The following EDDM3A variants were observed in gnomAD, a reference collection of about 807,000 sequenced individuals.
EDDM3A encodes epididymal protein 3A.
For synonymous variants in EDDM3A, 75 were observed against 60.4 expected (o/e 1.24, Z -1.12); for missense variants, 199 against 177.4 (o/e 1.12, Z -0.69).
At chr14:20,741,701 G>A (rs1877438541), upstream of EDDM3A, among the ~76,000 whole-genome samples, 1 of 152,182 alleles carries the variant, frequency 6.6e-6, no homozygotes, top group South Asian at 2.1e-4. Context: ...ATATCTCAGG[G>A]ATCTGGGGCT....
the EDDM3A span, among the ~76,000 whole-genome samples, chr14:20,736,107 C>CTT: frequency 2.8e-5 from 4 of 144,768 alleles, no homozygotes; most frequent in African/African-American, 2.6e-5. Context: ...CCCATCATCA[C>CTT]TTTTTTTTTT....
chr14:20,738,239 C>T, the EDDM3A span, among the ~76,000 whole-genome samples: 28 of 152,094 alleles, frequency 1.8e-4, no homozygotes, highest in Middle Eastern at 3.4e-3. Context: ...TTTGGGAGGC[C>T]GAAGCAGGCG....
chr14:20,740,169 C>T, the EDDM3A span, among the ~76,000 whole-genome samples: 1 of 152,210 alleles, frequency 6.6e-6, no homozygotes, highest in Non-Finnish European at 1.5e-5. Context: ...GTCTGACTGT[C>T]ATAAAAATAT....
the EDDM3A span, among the ~76,000 whole-genome samples, chr14:20,740,680 C>T: frequency 0.046 from 7,036 of 152,072 alleles, 557 homozygotes; most frequent in African/African-American, 0.16. Context: ...TGCTTGTTTG[C>T]TTGTTTTTAA....
chr14:20,743,134 C>T (rs1233893480), upstream of EDDM3A, among the ~76,000 whole-genome samples: 1 of 152,174 alleles, frequency 6.6e-6, no homozygotes, highest in Non-Finnish European at 1.5e-5. Context: ...CCTTGGAAGT[C>T]CGTGGATCAC....
upstream of EDDM3A, among the ~76,000 whole-genome samples, chr14:20,741,773 G>A (rs551368660): frequency 6.6e-6 from 1 of 152,304 alleles, no homozygotes; most frequent in South Asian, 2.1e-4. Flanking sequence ...GACCCAGCTA[G>A]TACCCTCCAT....
chr14:20,743,854 C>A (rs1420999193), upstream of EDDM3A, among the ~76,000 whole-genome samples: 1 of 152,134 alleles, frequency 6.6e-6, no homozygotes, highest in East Asian at 1.9e-4. Context: ...TTTAGATGGC[C>A]TCCTAATTGG....
the EDDM3A span, among the ~76,000 whole-genome samples, chr14:20,738,603 G>A: frequency 6.6e-6 from 1 of 152,036 alleles, no homozygotes; most frequent in Non-Finnish European, 1.5e-5. Context: ...TAGTGTAAGG[G>A]AGGAAAAAAT....
chr14:20,747,434 A>T, intron 1 of EDDM3A, 121 bp from the exon 2 acceptor site: 1 of 622,106 alleles, frequency 1.6e-6, no homozygotes, highest in Non-Finnish European at 2.8e-6. Flanking sequence ...ATCATCTTCT[A>T]ATATGGAACC....
upstream of EDDM3A, among the ~76,000 whole-genome samples, chr14:20,744,448 AAG>A (rs759327989): frequency 3.3e-5 from 5 of 152,232 alleles, no homozygotes; most frequent in Non-Finnish European, 4.4e-5. Flanking sequence ...AAAGATTTGC[AAG>A]AGTCTTACTT....
chr14:20,736,107 CTTTT>C, the EDDM3A span, among the ~76,000 whole-genome samples: 442 of 144,752 alleles, frequency 3.1e-3, 1 homozygote, highest in East Asian at 6.5e-3. Flanking sequence ...CCCATCATCA[CTTTT>C]TTTTTTTTTT....
chr14:20,739,031 A>G, the EDDM3A span, among the ~76,000 whole-genome samples: 1 of 152,224 alleles, frequency 6.6e-6, no homozygotes, highest in African/African-American at 2.4e-5. Flanking sequence ...AGGCCAATGC[A>G]TACTCTATTT....
chr14:20,737,747 A>C, the EDDM3A span, among the ~76,000 whole-genome samples: 1 of 152,260 alleles, frequency 6.6e-6, no homozygotes, highest in African/African-American at 2.4e-5. Context: ...TGTTCATGGA[A>C]TGAATGAGAA....
At chr14:20,745,016 G>C (rs984996566), upstream of EDDM3A, among the ~76,000 whole-genome samples, 24 of 152,114 alleles carry the variant, frequency 1.6e-4, no homozygotes, top group African/African-American at 5.3e-4. Flanking sequence ...AGGCTCAGGA[G>C]TTCAAGACCA....
chr14:20,741,546 C>G (rs1219895698), upstream of EDDM3A, among the ~76,000 whole-genome samples: 1 of 152,152 alleles, frequency 6.6e-6, no homozygotes, highest in Non-Finnish European at 1.5e-5. Context: ...CCCCCTGGGA[C>G]CCAGGCTCCC....
upstream of EDDM3A, among the ~76,000 whole-genome samples, chr14:20,744,318 G>A (rs766408709): frequency 2.6e-5 from 4 of 152,160 alleles, no homozygotes; most frequent in Admixed American, 6.5e-5. Context: ...CAGGAGTGGG[G>A]GTTTGAAGAT....
chr14:20,747,759 T>A lies in EDDM3A; in HGVS notation c.179T>A (p.Leu60Gln). ...GTCCTCATGAGAGAAAAAGAGGCTC[T>A]GAAAGGCAAGAGCTTTCATATGTTC... is the stretch of plus-strand genomic sequence containing the variant. The part of the protein sequence containing the change: ...CDVLMREKEA[L>Q]KGKSFHMFIY... The change falls in exon 2 of 2, where the codon CTG (leucine) becomes CAG (glutamine). Residue 60 changes from leucine to glutamine, a missense_variant. Leu to Gln is a moderately radical substitution (Grantham distance 113, BLOSUM62 -2). Transcript: ENST00000326842. The A allele has an allele frequency of 1.2e-6, 2 of 1,614,214 alleles. No homozygotes were observed. The highest frequency in any genetic ancestry group is 1.7e-6 in the Non-Finnish European group (2 of 1,180,038).
upstream of EDDM3A, among the ~76,000 whole-genome samples, chr14:20,743,964 AATATC>A (rs770554786): frequency 7.2e-5 from 11 of 152,064 alleles, no homozygotes; most frequent in South Asian, 2.1e-4. Flanking sequence ...TTAAAAGTGG[AATATC>A]AAGTATTTGA....
In EDDM3A at chr14:20,747,971, GGATATGTT is replaced by G; in HGVS notation, c.396_403del (p.Tyr132Ter). Reference sequence around the variant, plus strand: ...CATTGAATTCCATTGTGGCGTAGATGGATATGTTGATAACATAGAAGACCTGAGGATTA... The same window carrying G: ...CATTGAATTCCATTGTGGCGTAGATGGATAACATAGAAGACCTGAGGATTA... On this transcript the variant is annotated frameshift_variant, in exon 2 of 2. Coordinates refer to ENST00000326842, the MANE Select transcript of EDDM3A (RefSeq NM_006683.5). LOFTEE classifies it low-confidence loss of function (END_TRUNC). 6.2e-7 allele frequency: 1 copy of G among 1,613,306 alleles called. No individual in the cohort carries two copies. Among genetic ancestry groups the G allele is most frequent in the Non-Finnish European group, 8.5e-7 (1 of 1,179,758 alleles).
Sources: gnomAD v4.1 joint callset for allele counts (sites outside exome capture counted in the v4.1 genomes callset) on GRCh38, gnomAD v4.1.1 for gene constraint, MANE v1.5 for transcripts, NCBI Gene and HGNC (gene_info 2026-07-23, HGNC 2026-07-21) for gene names.